PHF20: variants seen among roughly 807,000 people sequenced by gnomAD.
PHF20 encodes glioma-expressed antigen 2.
A neutral mutation model predicts 113.5 loss-of-function variants in PHF20; 23 were observed. The observed-to-expected ratio is 0.20, with a 90% CI of 0.15 to 0.29. The LOEUF (loss-of-function observed/expected upper bound fraction) is 0.29. Ranked by LOEUF, PHF20 falls within the 10% of genes least tolerant of loss-of-function variation. The probability of loss-of-function intolerance (pLI) is 1.00; values close to 1 mark genes in which losing one functional copy is unlikely to be tolerated. For synonymous variants in PHF20, 434 were observed against 457.3 expected, an observed-to-expected ratio of 0.95 and a Z score of 0.65; for missense variants, 943 against 1,219.6, an observed-to-expected ratio of 0.77 and a Z score of 3.38.
At chr20:35,845,024 T>C (rs922085992) in intron 3 of PHF20, among the ~76,000 whole-genome samples, 3 of 152,190 alleles carry the variant, frequency 2.0e-5, no homozygotes, top group Non-Finnish European at 4.4e-5. Flanking sequence ...TTTCATTCAG[T>C]CTTCACCAGC....
At position 35,917,390 on chromosome 20, in the gene PHF20, A is replaced by G. The variant is rs73284920; in HGVS notation, c.1826-94A>G. On this transcript the variant is annotated intron_variant, in intron 12 of 17. Transcript: ENST00000374012. Reference sequence around the variant, plus strand: ...CCTATGAATGTTCTTGTTTGGAGGTATGGGACTATAATGTCATTTTTCATT... The same window carrying G: ...CCTATGAATGTTCTTGTTTGGAGGTGTGGGACTATAATGTCATTTTTCATT... 2.6e-3 allele frequency: 2,792 copies of G among 1,067,752 alleles called. 39 individuals are homozygous for G. The African/African-American group carries it at 0.034, about 13-fold the overall frequency. The allele number at this position is 1,067,752 out of a possible 1,614,324, so 66.1% of individuals were successfully genotyped here.
At chr20:35,902,999 G>A (rs1156534234) in intron 10 of PHF20, among the ~76,000 whole-genome samples, 2 of 146,586 alleles carry the variant, frequency 1.4e-5, no homozygotes, top group African/African-American at 5.0e-5. Context: ...AAGCCTGAGT[G>A]ACTGATTTTC....
chr20:35,809,193 C>T (rs1032301913), intron 2 of PHF20, among the ~76,000 whole-genome samples: 2 of 150,114 alleles, frequency 1.3e-5, no homozygotes, highest in Non-Finnish European at 3.0e-5. Flanking sequence ...TGCAGTGAGC[C>T]AACATCACGA....
At chr20:35,806,592 A>G (rs527777126) in intron 2 of PHF20, among the ~76,000 whole-genome samples, 36 of 152,178 alleles carry the variant, frequency 2.4e-4, no homozygotes, top group African/African-American at 7.5e-4. Context: ...TTCTTTCCCT[A>G]TTGACCTGCA....
chr20:35,844,324 G>A (rs903531413), intron 3 of PHF20, among the ~76,000 whole-genome samples: 3 of 151,072 alleles, frequency 2.0e-5, no homozygotes, highest in Non-Finnish European at 2.9e-5. Context: ...TGATGGTCTC[G>A]ATTTCCTGAC....
At chr20:35,845,819 C>G (rs75834040) in intron 3 of PHF20, among the ~76,000 whole-genome samples, 10 of 149,776 alleles carry the variant, frequency 6.7e-5, no homozygotes, top group African/African-American at 2.5e-4. Context: ...ACTGTATGGC[C>G]GAGGCTGGAG....
In PHF20 at chr20:35,883,027, CAAAAAAAAAA is replaced by C. The variant is rs971975145; in HGVS notation, c.1282+11205_1282+11214del. On this transcript the variant is annotated intron_variant, in intron 9 of 17. Transcript: ENST00000374012. ...TGGGTGACAGAACGACACTCTGTCT[CAAAAAAAAAA>C]AAAAAAGAAAAAAGAAAAAGAATAT... 7.9e-5 allele frequency among the ~76,000 whole-genome samples: 5 copies of C among 63,466 alleles called. 1 individual carries two copies. The highest frequency in any genetic ancestry group is 3.6e-4 in the Admixed American group (2 of 5,512). The allele number at this position is 63,466 out of a possible 152,430, so 41.6% of individuals were successfully genotyped here. A position where few individuals can be genotyped will look rare whatever the true frequency, so the allele number is the denominator to read the frequency against.
intron 5 of PHF20, among the ~76,000 whole-genome samples, chr20:35,859,851 T>C (rs1452472437): frequency 1.3e-5 from 2 of 152,150 alleles, no homozygotes; most frequent in African/African-American, 4.8e-5. Context: ...GGCCCTCTGT[T>C]GTGTCTTTGT....
At chr20:35,837,568 A>G (rs558594716) in intron 2 of PHF20, among the ~76,000 whole-genome samples, 1 of 152,358 alleles carries the variant, frequency 6.6e-6, no homozygotes, top group South Asian at 2.1e-4. Context: ...TTGTCCATAT[A>G]TTTAGGTTGA....
rs57769210 is a variant in PHF20 at position 35,813,933 on chromosome 20, GAAAAAAAAAA to G, written c.83+12343_83+12352del. Among the ~76,000 whole-genome samples, 124 of 25,004 alleles carry G rather than the reference GAAAAAAAAAA, an allele frequency of 5.0e-3. 1 individual carries two copies. In the South Asian group the frequency reaches 0.051, roughly 10 times the overall value. The allele number at this position is 25,004 out of a possible 152,430, so 16.4% of individuals were successfully genotyped here. On this transcript the variant is annotated intron_variant, in intron 2 of 17. Coordinates refer to ENST00000374012, the MANE Select transcript of PHF20 (RefSeq NM_016436.5). ...GGTGACAGAGTGAGACTCCGTCTCAGAAAAAAAAAAAAAAAAAAAAAAAAGGAAATTGACC... is the reference window on the plus strand; with the variant it reads ...GGTGACAGAGTGAGACTCCGTCTCAGAAAAAAAAAAAAAAGGAAATTGACC...
chr20:35,938,868 G>T lies in PHF20; in HGVS notation c.2472G>T (p.Leu824=). The part of the protein sequence containing the change: ...GAVEKPRPLA[L]PLPRSVEESY... ...TGGAGAAGCCCAGGCCCCTGGCCCT[G>T]CCCCTGCCGCGTTCTGTGGAGGAAT... is the stretch of plus-strand genomic sequence containing the variant. Residue 824 remains leucine, a synonymous_variant, in exon 16 of 18, where the codon CTG becomes CTT. Coordinates refer to ENST00000374012, the MANE Select transcript of PHF20 (RefSeq NM_016436.5). 1 of 1,614,180 alleles carries T rather than the reference G, an allele frequency of 6.2e-7. No individual in the cohort carries two copies. The highest frequency in any genetic ancestry group is 8.5e-7 in the Non-Finnish European group (1 of 1,180,012).
intron 2 of PHF20, among the ~76,000 whole-genome samples, chr20:35,827,015 C>T (rs1486815725): frequency 6.6e-6 from 1 of 152,140 alleles, no homozygotes; most frequent in Non-Finnish European, 1.5e-5. Context: ...CTTCCATCCC[C>T]ATCTCCTCTC....
intron 9 of PHF20, among the ~76,000 whole-genome samples, chr20:35,894,806 G>C (rs2054946959): frequency 6.6e-6 from 1 of 152,150 alleles, no homozygotes; most frequent in Non-Finnish European, 1.5e-5. Flanking sequence ...CTTAGCCCCT[G>C]TACTGTTTGA....
chr20:35,790,705 C>T (rs950875883), intron 1 of PHF20, among the ~76,000 whole-genome samples: 1 of 152,092 alleles, frequency 6.6e-6, no homozygotes, highest in African/African-American at 2.4e-5. Flanking sequence ...CCCACAGCCC[C>T]TCTGCTAAAG....
chr20:35,872,832 A>G (rs2054447209), intron 9 of PHF20, among the ~76,000 whole-genome samples: 1 of 152,170 alleles, frequency 6.6e-6, no homozygotes, highest in African/African-American at 2.4e-5. Context: ...GTCCTGGTGA[A>G]TGTTTCATAT....
chr20:35,824,885 A>G (rs1353192891), intron 2 of PHF20, among the ~76,000 whole-genome samples: 1 of 152,198 alleles, frequency 6.6e-6, no homozygotes. Flanking sequence ...TTCACTTAGC[A>G]TGCTATTTTC....
chr20:35,888,057 C>T (rs1474499078), intron 9 of PHF20, among the ~76,000 whole-genome samples: 2 of 151,386 alleles, frequency 1.3e-5, no homozygotes, highest in South Asian at 2.1e-4. Context: ...CTCGGCCCAC[C>T]GCAACCTCCG....
chr20:35,801,442 C>A, intron 1 of PHF20, 49 bp from the exon 2 acceptor site: 1 of 924,250 alleles, frequency 1.1e-6, no homozygotes, highest in Non-Finnish European at 1.8e-6. Flanking sequence ...ATGCTACACT[C>A]TGGGTGGACT....
chr20:35,877,754 A>T (rs1031029424), intron 9 of PHF20, among the ~76,000 whole-genome samples: 7 of 152,258 alleles, frequency 4.6e-5, no homozygotes, highest in African/African-American at 1.2e-4. Context: ...GCACAGAATA[A>T]ACAAGAGAGA....
Sources: allele counts gnomAD v4.1 joint callset (sites outside exome capture counted in the v4.1 genomes callset), GRCh38; gene constraint gnomAD v4.1.1; transcripts MANE v1.5; gene names NCBI Gene and HGNC (gene_info 2026-07-23, HGNC 2026-07-21).